NRXN3: variants seen among roughly 807,000 people sequenced by gnomAD.
NRXN3 encodes neurexin III.
In NRXN3, 32 loss-of-function variants were observed where a neutral mutation model predicts 137.6. The ratio of observed to expected loss-of-function variants is 0.23; its 90% CI spans 0.18 to 0.31. The LOEUF (loss-of-function observed/expected upper bound fraction) is 0.31. NRXN3 is among the 10% of genes least tolerant of loss of function. The pLI, the probability that NRXN3 is intolerant of heterozygous loss-of-function variation, is 1.00. For synonymous variants in NRXN3, 798 were observed against 784.5 expected, an observed-to-expected ratio of 1.02 and a Z score of -0.29; for missense variants, 1,574 against 2,062.5, an observed-to-expected ratio of 0.76 and a Z score of 4.59.
At chr14:78,908,562 G>T (rs2099226244) in intron 10 of NRXN3, among the ~76,000 whole-genome samples, 1 of 151,902 alleles carries the variant, frequency 6.6e-6, no homozygotes, top group East Asian at 1.9e-4. Flanking sequence ...ATTTCTGAGA[G>T]GTCTTCAAAA....
intron 8 of NRXN3, among the ~76,000 whole-genome samples, chr14:78,797,175 G>T (rs192253179): frequency 6.6e-6 from 1 of 152,076 alleles, no homozygotes; most frequent in African/African-American, 2.4e-5. Flanking sequence ...GCCGTCTGCC[G>T]AAAATATACA....
intron 6 of NRXN3, among the ~76,000 whole-genome samples, chr14:78,664,068 T>A (rs1306407905): frequency 6.6e-6 from 1 of 152,218 alleles, no homozygotes; most frequent in Non-Finnish European, 1.5e-5. Flanking sequence ...AGGACACATT[T>A]TTCACTTCTC....
At chr14:79,354,380 C>T (rs2093343907) in intron 15 of NRXN3, among the ~76,000 whole-genome samples, 1 of 152,100 alleles carries the variant, frequency 6.6e-6, no homozygotes, top group South Asian at 2.1e-4. Context: ...TTTTCCAAAA[C>T]ACTATAAATG....
intron 10 of NRXN3, among the ~76,000 whole-genome samples, chr14:78,906,964 T>C (rs2099219266): frequency 6.6e-6 from 1 of 151,984 alleles, no homozygotes; most frequent in South Asian, 2.1e-4. Context: ...GGTAAAATAA[T>C]TCGCTCAATC....
intron 15 of NRXN3, among the ~76,000 whole-genome samples, chr14:79,449,100 T>C (rs2096120755): frequency 6.6e-6 from 1 of 152,142 alleles, no homozygotes; most frequent in Non-Finnish European, 1.5e-5. Context: ...GGAGGGGGCA[T>C]AAATTCCCTG....
At chr14:78,635,448 G>C (rs8021089) in intron 4 of NRXN3, among the ~76,000 whole-genome samples, 18,479 of 152,058 alleles carry the variant, frequency 0.12, 1,868 homozygotes, top group African/African-American at 0.28. Flanking sequence ...GTGTTGATAT[G>C]TGTGCTACTG....
intron 8 of NRXN3, among the ~76,000 whole-genome samples, chr14:78,721,821 T>A (rs2098461219): frequency 6.6e-6 from 1 of 152,192 alleles, no homozygotes; most frequent in South Asian, 2.1e-4. Context: ...TGCAATTCAT[T>A]TACATAAATC....
At chr14:79,380,351 C>A (rs1389672392) in intron 15 of NRXN3, among the ~76,000 whole-genome samples, 2 of 151,310 alleles carry the variant, frequency 1.3e-5, no homozygotes, top group South Asian at 2.1e-4. Flanking sequence ...TCCCCCTTCC[C>A]CCCACCCCAC....
At chr14:78,395,255 G>A (rs2091318215) in intron 4 of NRXN3, among the ~76,000 whole-genome samples, 1 of 151,356 alleles carries the variant, frequency 6.6e-6, no homozygotes, top group African/African-American at 2.4e-5. Context: ...TTTTCCTTTA[G>A]CTTAAAGCAC....
intron 15 of NRXN3, among the ~76,000 whole-genome samples, chr14:79,223,055 G>A (rs532181600): frequency 5.3e-5 from 8 of 152,148 alleles, no homozygotes; most frequent in African/African-American, 1.9e-4. Flanking sequence ...ATCTTAATTA[G>A]AGATTATCTT....
At chr14:79,451,809 G>T (rs1181349923) in intron 15 of NRXN3, among the ~76,000 whole-genome samples, 1 of 152,204 alleles carries the variant, frequency 6.6e-6, no homozygotes. Context: ...AAGGAGCAAA[G>T]CTGTTCTCTA....
intron 4 of NRXN3, among the ~76,000 whole-genome samples, chr14:78,589,946 A>G (rs573494239): frequency 2.0e-5 from 3 of 152,296 alleles, no homozygotes; most frequent in Admixed American, 1.3e-4. Flanking sequence ...GACAAGAGTG[A>G]AACTCCGTTT....
intron 10 of NRXN3, among the ~76,000 whole-genome samples, chr14:78,829,601 A>AT: frequency 6.6e-6 from 1 of 152,294 alleles, no homozygotes; most frequent in African/African-American, 2.4e-5. Context: ...GGGGGAAAAA[A>AT]TTATTTTATC....
intron 3 of NRXN3, among the ~76,000 whole-genome samples, chr14:78,296,011 T>G (rs2076289017): frequency 6.6e-6 from 1 of 151,908 alleles, no homozygotes; most frequent in African/African-American, 2.4e-5. Context: ...AGGTAGCTCT[T>G]CAGATCTTCC....
At chr14:79,239,680 T>A (rs1282194122) in intron 15 of NRXN3, among the ~76,000 whole-genome samples, 1 of 152,150 alleles carries the variant, frequency 6.6e-6, no homozygotes, top group Non-Finnish European at 1.5e-5. Flanking sequence ...GAAATCAGCG[T>A]GTCTAAATGA....
chr14:78,585,189 TGAA>T (rs2097050263), intron 4 of NRXN3, among the ~76,000 whole-genome samples: 1 of 151,496 alleles, frequency 6.6e-6, no homozygotes, highest in Non-Finnish European at 1.5e-5. Context: ...GCCTCAATGT[TGAA>T]GTAGTATTCA....
intron 19 of NRXN3, among the ~76,000 whole-genome samples, chr14:79,718,044 GATAA>G (rs1008900332): frequency 6.6e-6 from 1 of 152,112 alleles, no homozygotes; most frequent in Non-Finnish European, 1.5e-5. Context: ...AGAGACTACC[GATAA>G]ATAAATTAGC....
intron 15 of NRXN3, among the ~76,000 whole-genome samples, chr14:79,381,476 T>C (rs1334127554): frequency 6.6e-6 from 1 of 152,182 alleles, no homozygotes; most frequent in Non-Finnish European, 1.5e-5. Flanking sequence ...TGTGGAGTAT[T>C]GACTCTAGCT....
At chr14:79,018,666 A>C (rs1046746360) in intron 15 of NRXN3, among the ~76,000 whole-genome samples, 1 of 152,206 alleles carries the variant, frequency 6.6e-6, no homozygotes, top group East Asian at 1.9e-4. Context: ...ATCAATAATT[A>C]ATAGATAGCA....
Sources: allele counts gnomAD v4.1 joint callset (sites outside exome capture counted in the v4.1 genomes callset), GRCh38; gene constraint gnomAD v4.1.1; transcripts MANE v1.5; gene names NCBI Gene and HGNC (gene_info 2026-07-23, HGNC 2026-07-21).